Variants in CSMD1 observed in about 807,000 individuals in gnomAD.
The protein encoded by CSMD1 is CUB and sushi domain-containing protein 1.
In CSMD1, 213 loss-of-function variants were observed where a neutral mutation model predicts 417.5. That is an observed-to-expected ratio of 0.51 (90% CI 0.46 to 0.57). CSMD1 has a LOEUF of 0.57. Among genes scored for constraint, CSMD1 ranks in the 20% least tolerant of loss-of-function variants. CSMD1 has a pLI of 0.00. For synonymous variants in CSMD1, 2,862 were observed against 1,736.8 expected (o/e 1.65, Z -16.11); for missense variants, 6,923 against 4,529.7 (o/e 1.53, Z -15.17).
At chr8:4,323,040 G>A (rs993366028) in intron 3 of CSMD1, among the ~76,000 whole-genome samples, 2 of 152,174 alleles carry the variant, frequency 1.3e-5, no homozygotes, top group African/African-American at 4.8e-5. Context: ...TCTGAGAATA[G>A]AAAGATTTTG....
At chr8:3,288,159 G>A (rs931109222) in intron 25 of CSMD1, among the ~76,000 whole-genome samples, 1 of 147,402 alleles carries the variant, frequency 6.8e-6, no homozygotes, top group African/African-American at 2.7e-5. Flanking sequence ...AAGCCCACTT[G>A]ATCATTGTGG....
At chr8:4,371,222 C>T (rs1295844471) in intron 3 of CSMD1, among the ~76,000 whole-genome samples, 3 of 152,120 alleles carry the variant, frequency 2.0e-5, no homozygotes, top group South Asian at 2.1e-4. Flanking sequence ...GCTACATGCT[C>T]TCACCGTGGG....
chr8:4,890,977 A>T (rs1804082080), intron 1 of CSMD1, among the ~76,000 whole-genome samples: 1 of 152,128 alleles, frequency 6.6e-6, no homozygotes, highest in South Asian at 2.1e-4. Context: ...TTGATTTCAT[A>T]GTAAGAACAC....
chr8:3,306,959 A>T (rs1357585358), intron 25 of CSMD1, among the ~76,000 whole-genome samples: 1 of 152,154 alleles, frequency 6.6e-6, no homozygotes, highest in Admixed American at 6.5e-5. Flanking sequence ...CATTTTCTGA[A>T]ATTTGCAATG....
At chr8:3,477,599 C>A (rs6558781) in intron 11 of CSMD1, among the ~76,000 whole-genome samples, 3 of 152,022 alleles carry the variant, frequency 2.0e-5, no homozygotes, top group Non-Finnish European at 4.4e-5. Flanking sequence ...GAGTTTCAGA[C>A]ATGTGTTGAT....
At chr8:3,957,744 G>GA (rs1190362595) in intron 5 of CSMD1, among the ~76,000 whole-genome samples, 1 of 151,782 alleles carries the variant, frequency 6.6e-6, no homozygotes, top group Non-Finnish European at 1.5e-5. Context: ...ATGTAGAAAA[G>GA]AAAAAAGAAA....
chr8:4,839,645 G>A lies in CSMD1; in HGVS notation c.85+154687C>T, dbSNP rs563406529. On this transcript the variant is annotated intron_variant, in intron 1 of 69. Transcript: ENST00000635120. Reference sequence around the variant, plus strand: ...TAAGAAGAACTTGTTCCTCACACATGGTTGGGCATGAAACTAAGACATCAG... The same window carrying A: ...TAAGAAGAACTTGTTCCTCACACATAGTTGGGCATGAAACTAAGACATCAG... Among the ~76,000 whole-genome samples, 111 of 152,156 alleles carry A rather than the reference G, an allele frequency of 7.3e-4. 1 individual carries two copies. In the South Asian group the frequency reaches 0.022, roughly 30 times the overall value.
intron 14 of CSMD1, among the ~76,000 whole-genome samples, chr8:3,406,759 T>G (rs1052829175): frequency 1.3e-5 from 2 of 152,242 alleles, no homozygotes; most frequent in East Asian, 3.8e-4. Context: ...CATAATGTAG[T>G]ATTACTCATA....
intron 63 of CSMD1, among the ~76,000 whole-genome samples, chr8:2,956,780 A>G (rs1265711978): frequency 6.6e-6 from 1 of 152,190 alleles, no homozygotes; most frequent in Non-Finnish European, 1.5e-5. Flanking sequence ...AAAATTGTGC[A>G]TGCAGTTGTT....
intron 3 of CSMD1, among the ~76,000 whole-genome samples, chr8:4,313,534 G>T (rs1436101591): frequency 1.3e-5 from 2 of 151,502 alleles, no homozygotes. Flanking sequence ...TCACGCGTAG[G>T]TCACATCAGG....
chr8:4,537,539 T>C (rs577429154), intron 2 of CSMD1, among the ~76,000 whole-genome samples: 110 of 152,340 alleles, frequency 7.2e-4, no homozygotes, highest in Admixed American at 7.0e-3. Context: ...TTGACTCTGA[T>C]TAAAAAGATT....
At chr8:4,524,096 C>A (rs1199116078) in intron 2 of CSMD1, among the ~76,000 whole-genome samples, 1 of 151,926 alleles carries the variant, frequency 6.6e-6, no homozygotes. Flanking sequence ...CTGGAATAGT[C>A]CCAAGAAAAA....
intron 1 of CSMD1, among the ~76,000 whole-genome samples, chr8:4,770,277 TA>T (rs1264900808): frequency 6.7e-5 from 10 of 148,200 alleles, no homozygotes; most frequent in Non-Finnish European, 1.2e-4. Context: ...TTTGTAAATA[TA>T]TATGTGTATG....
chr8:4,247,661 G>C (rs931093114), intron 3 of CSMD1, among the ~76,000 whole-genome samples: 1 of 152,124 alleles, frequency 6.6e-6, no homozygotes, highest in African/African-American at 2.4e-5. Context: ...TTCAACATGT[G>C]AAATTAATTT....
intron 5 of CSMD1, among the ~76,000 whole-genome samples, chr8:3,961,901 G>C (rs749572383): frequency 2.6e-5 from 4 of 152,184 alleles, no homozygotes; most frequent in Non-Finnish European, 5.9e-5. Flanking sequence ...GACTTCTTGA[G>C]TCATTGCTCA....
chr8:4,971,480 T>C (rs1156983034), intron 1 of CSMD1, among the ~76,000 whole-genome samples: 11 of 152,054 alleles, frequency 7.2e-5, no homozygotes, highest in Admixed American at 3.9e-4. Context: ...AGGTGGTATT[T>C]GCCATAATTA....
At chr8:4,546,886 C>T (rs1225663395) in intron 2 of CSMD1, among the ~76,000 whole-genome samples, 1 of 151,960 alleles carries the variant, frequency 6.6e-6, no homozygotes, top group Non-Finnish European at 1.5e-5. Context: ...TGCTAGTTGT[C>T]TCTCTCTGGA....
chr8:3,041,201 A>AT (rs1811067539), intron 50 of CSMD1, among the ~76,000 whole-genome samples: 1 of 152,208 alleles, frequency 6.6e-6, no homozygotes, highest in Admixed American at 6.5e-5. Context: ...TACAGGGTTA[A>AT]AGCAAATAAT....
intron 37 of CSMD1, among the ~76,000 whole-genome samples, chr8:3,172,655 G>T (rs773541881): frequency 2.0e-5 from 3 of 152,136 alleles, no homozygotes; most frequent in Admixed American, 6.5e-5. Context: ...CACTTAAGGG[G>T]GGCAGAGAAG....
Sources: allele counts gnomAD v4.1 joint callset (sites outside exome capture counted in the v4.1 genomes callset), GRCh38; gene constraint gnomAD v4.1.1; transcripts MANE v1.5; gene names NCBI Gene and HGNC (gene_info 2026-07-23, HGNC 2026-07-21).